Variants in NGLY1 observed in about 807,000 individuals in gnomAD.
NGLY1 encodes N-glycanase 1.
NGLY1 carries 68 observed loss-of-function variants against 84.6 expected under a neutral mutation model. The observed-to-expected ratio is 0.80, with a 90% confidence interval of 0.66 to 0.98. The LOEUF (loss-of-function observed/expected upper bound fraction) is 0.98, where lower values mean the gene tolerates loss of function less well. Ranked by LOEUF, NGLY1 falls within the 50% of genes least tolerant of loss-of-function variation. The probability of loss-of-function intolerance (pLI) is 0.00; values close to 1 mark genes in which losing one functional copy is unlikely to be tolerated. For missense variants in NGLY1, 779 were observed against 770.2 expected, an observed-to-expected ratio of 1.01 and a Z score of -0.14; for synonymous variants, 280 against 275.2, an observed-to-expected ratio of 1.02 and a Z score of -0.17.
chr3:25,741,759 G>C (rs573709235), intron 4 of NGLY1, among the ~76,000 whole-genome samples: 171 of 152,230 alleles, frequency 1.1e-3, no homozygotes, highest in African/African-American at 4.0e-3. Context: ...AGGAGGCTGA[G>C]GTGGGAGGAT....
intron 3 of NGLY1, among the ~76,000 whole-genome samples, chr3:25,760,603 G>A (rs1707263158): frequency 6.6e-6 from 1 of 152,090 alleles, no homozygotes; most frequent in South Asian, 2.1e-4. Context: ...GCTCACGCCT[G>A]TAACCCAGCA....
Position 25,764,052 on chromosome 3 carries a change from A to G in NGLY1, c.492+14T>C. The stretch of plus-strand genomic sequence containing the variant: ...TGAAAGAAACAGTTAAAGAAGGTTT[A>G]ATTCTAACATTACCGTTGAAGCAGA... On this transcript the variant is annotated intron_variant, in intron 3 of 11. Transcript: ENST00000280700. The G allele has an allele frequency of 6.2e-7, 1 of 1,612,978 alleles. No homozygotes were observed. The highest frequency in any genetic ancestry group is 8.5e-7 in the Non-Finnish European group (1 of 1,179,168).
Position 25,778,566 on chromosome 3 carries a change from A to T in NGLY1, c.246+8T>A, listed in dbSNP as rs373747843. On this transcript the variant is annotated splice_region_variant and intron_variant, in intron 2 of 11. Transcript: ENST00000280700. ...AAGAGGGGAGAGGAAATCCTTGAAC[A>T]TACTTACCTCTTCAAAGCCCATTTC... 250 of 1,549,130 alleles carry T rather than the reference A, an allele frequency of 1.6e-4. 1 individual carries two copies. The African/African-American group carries it at 3.1e-3, about 19-fold the overall frequency.
chr3:25,752,179 G>A (rs535862907), intron 3 of NGLY1, among the ~76,000 whole-genome samples: 1 of 152,112 alleles, frequency 6.6e-6, no homozygotes, highest in African/African-American at 2.4e-5. Context: ...TATATTCAGA[G>A]AAAGACTCAA....
Position 25,764,068 on chromosome 3 carries a change from T to G in NGLY1, c.490A>C (p.Thr164Pro). ...GQSSDPPSASTVAADSAILEV... is the reference protein window; with the variant it reads ...GQSSDPPSASPVAADSAILEV... ...AGAAGGTTTAATTCTAACATTACCGTTGAAGCAGATGGTGGATCTGATGAC... is the reference window on the plus strand; with the variant it reads ...AGAAGGTTTAATTCTAACATTACCGGTGAAGCAGATGGTGGATCTGATGAC... Residue 164 changes from threonine to proline, a missense_variant and splice_region_variant, in exon 3 of 12, where the codon ACG (threonine) becomes CCG (proline). Physicochemically the swap from Thr to Pro is conservative, Grantham distance 38. Coordinates refer to ENST00000280700, the MANE Select transcript of NGLY1 (RefSeq NM_018297.4). 1 of 1,614,084 alleles carries G rather than the reference T, an allele frequency of 6.2e-7. No homozygotes were observed. Among genetic ancestry groups the G allele is most frequent in the Non-Finnish European group, 8.5e-7 (1 of 1,179,954 alleles).
intron 1 of NGLY1, among the ~76,000 whole-genome samples, chr3:25,781,464 G>T (rs953186715): frequency 6.6e-6 from 1 of 152,090 alleles, no homozygotes; most frequent in African/African-American, 2.4e-5. Flanking sequence ...AGGGCTGTAG[G>T]GACATTAGAC....
At chr3:25,755,180 C>A in intron 3 of NGLY1, 1 of 1,280,386 alleles carries the variant, frequency 7.8e-7, no homozygotes, top group Admixed American at 1.7e-5. Context: ...TACCTCTCTT[C>A]CCCCAAGAGG....
chr3:25,777,395 C>CA (rs11332980), intron 2 of NGLY1, among the ~76,000 whole-genome samples: 1,037 of 87,340 alleles, frequency 0.012, 45 homozygotes, highest in African/African-American at 0.024. Context: ...AACTCCATCT[C>CA]AAAAAAAAAA....
intron 2 of NGLY1, among the ~76,000 whole-genome samples, chr3:25,774,093 G>A (rs942387108): frequency 2.0e-5 from 3 of 152,210 alleles, no homozygotes; most frequent in Non-Finnish European, 4.4e-5. Context: ...TCGAATTCCA[G>A]GTGTGCTGGT....
At chr3:25,732,240 G>T in intron 9 of NGLY1, 79 bp downstream of exon 9, 1 of 1,313,492 alleles carries the variant, frequency 7.6e-7, no homozygotes, top group Non-Finnish European at 1.0e-6. Flanking sequence ...AGTCAATGCA[G>T]TTGGAGGATA....
intron 2 of NGLY1, among the ~76,000 whole-genome samples, chr3:25,776,401 T>C (rs776441897): frequency 4.6e-5 from 7 of 152,194 alleles, no homozygotes; most frequent in African/African-American, 7.2e-5. Context: ...TACTCAATTT[T>C]CCCAACCAAT....
chr3:25,757,811 T>A (rs759687120), intron 3 of NGLY1, among the ~76,000 whole-genome samples: 10 of 152,340 alleles, frequency 6.6e-5, no homozygotes, highest in Admixed American at 5.9e-4. Context: ...ACAATTAAGT[T>A]ATAATAATAT....
At chr3:25,734,609 G>A (rs1438130070) in intron 7 of NGLY1, 1 of 181,744 alleles carries the variant, frequency 5.5e-6, no homozygotes, top group Non-Finnish European at 1.1e-5. Flanking sequence ...TTACTCAGGA[G>A]GCTGAGGCAG....
chr3:25,735,914 T>A, intron 7 of NGLY1, 90 bp downstream of exon 7: 1 of 1,116,558 alleles, frequency 9.0e-7, no homozygotes. Flanking sequence ...ATGCAGGTTA[T>A]TGTATGTTAA....
intron 1 of NGLY1, among the ~76,000 whole-genome samples, chr3:25,781,902 C>A (rs771219182): frequency 5.9e-5 from 9 of 152,186 alleles, no homozygotes; most frequent in Non-Finnish European, 1.3e-4. Flanking sequence ...TGGTGGCTTT[C>A]CAGGTGGTAA....
At position 25,762,154 on chromosome 3, in the gene NGLY1, CA is replaced by C. The variant is rs879562043; in HGVS notation, c.492+1911del. On this transcript the variant is annotated intron_variant, in intron 3 of 11. Coordinates refer to ENST00000280700, the MANE Select transcript of NGLY1 (RefSeq NM_018297.4). The stretch of plus-strand genomic sequence containing the variant: ...ACATTTTACTTGATATAGTTTTAAC[CA>C]AAAAAAAAAAAGTTATAAGTTCACT... 1.7e-3 allele frequency among the ~76,000 whole-genome samples: 243 copies of C among 140,024 alleles called. 1 individual carries two copies. Among genetic ancestry groups the C allele is most frequent in the South Asian group, 5.2e-3 (23 of 4,454 alleles). 91.9% of individuals were successfully genotyped at this position (140,024 alleles called of 152,430 possible).
chr3:25,766,186 C>G (rs1224382964), intron 2 of NGLY1, among the ~76,000 whole-genome samples: 2 of 151,852 alleles, frequency 1.3e-5, no homozygotes, highest in Admixed American at 1.3e-4. Flanking sequence ...CTGCCTCAGT[C>G]TCCCAAGTAG....
intron 1 of NGLY1, among the ~76,000 whole-genome samples, chr3:25,781,578 T>C (rs1708419604): frequency 6.6e-6 from 1 of 152,182 alleles, no homozygotes; most frequent in African/African-American, 2.4e-5. Flanking sequence ...CCACTATCCT[T>C]TGCGCTCATT....
intron 1 of NGLY1, among the ~76,000 whole-genome samples, chr3:25,781,056 C>T (rs1004736375): frequency 4.6e-5 from 7 of 151,848 alleles, no homozygotes; most frequent in Admixed American, 2.0e-4. Context: ...CTCAAGCCAT[C>T]CTCCCACCTC....
Sources: gnomAD v4.1 joint callset for allele counts (sites outside exome capture counted in the v4.1 genomes callset) on GRCh38, gnomAD v4.1.1 for gene constraint, MANE v1.5 for transcripts, NCBI Gene and HGNC (gene_info 2026-07-23, HGNC 2026-07-21) for gene names.